The following KIAA1217 variants were observed in gnomAD, a reference collection of about 807,000 sequenced individuals.
KIAA1217 encodes the protein sickle tail protein homolog.
Under a neutral mutation model 163.9 loss-of-function variants are expected in KIAA1217, and 88 were observed. The observed-to-expected ratio is 0.54, with a 90% CI of 0.45 to 0.64. The LOEUF is 0.64. Among genes scored for constraint, KIAA1217 ranks in the 30% least tolerant of loss-of-function variants. KIAA1217 has a pLI of 0.00. For missense variants in KIAA1217, 2,372 were observed against 2,475.0 expected, an observed-to-expected ratio of 0.96 and a Z score of 0.88; for synonymous variants, 903 against 923.1, an observed-to-expected ratio of 0.98 and a Z score of 0.39.
intron 2 of KIAA1217, among the ~76,000 whole-genome samples, chr10:24,155,912 A>T (rs907048148): frequency 1.3e-5 from 2 of 152,196 alleles, no homozygotes; most frequent in African/African-American, 4.8e-5. Context: ...AGTTTTCTCT[A>T]TTCTGATTAG....
chr10:24,413,279 G>C (rs2057958648), intron 3 of KIAA1217, among the ~76,000 whole-genome samples: 1 of 152,122 alleles, frequency 6.6e-6, no homozygotes, highest in Non-Finnish European at 1.5e-5. Flanking sequence ...TCCACCTCCT[G>C]GGTTTAAGTG....
At chr10:24,276,822 C>T (rs1443595341) in intron 2 of KIAA1217, among the ~76,000 whole-genome samples, 1 of 152,012 alleles carries the variant, frequency 6.6e-6, no homozygotes, top group Non-Finnish European at 1.5e-5. Context: ...ATTGGCCAGG[C>T]TGGTCTGGAA....
intron 3 of KIAA1217, among the ~76,000 whole-genome samples, chr10:24,424,829 C>T (rs945848517): frequency 3.5e-4 from 54 of 152,316 alleles, no homozygotes; most frequent in African/African-American, 1.3e-3. Context: ...TCTCGATCTC[C>T]TGACCTTGTG....
Position 23,730,087 on chromosome 10 carries a change from G to A in KIAA1217, c.-321+34853G>A, listed in dbSNP as rs1838391875. 2.0e-5 allele frequency among the ~76,000 whole-genome samples: 3 copies of A among 152,124 alleles called. No homozygotes were observed. In the South Asian group the frequency reaches 6.2e-4, roughly 32 times the overall value. On this transcript the variant is annotated intron_variant, in intron 1 of 18. Coordinates refer to the KIAA1217 transcript ENST00000376462. ...TGGCTAACTTTTTGTATTTTTAGTAGAGACGGGGTTTCACTGTGTTAGCCA... is the reference window on the plus strand; with the variant it reads ...TGGCTAACTTTTTGTATTTTTAGTAAAGACGGGGTTTCACTGTGTTAGCCA...
At chr10:23,943,343 T>C (rs1843864001) in intron 1 of KIAA1217, among the ~76,000 whole-genome samples, 1 of 152,218 alleles carries the variant, frequency 6.6e-6, no homozygotes, top group East Asian at 1.9e-4. Context: ...ATTGTATATT[T>C]ATACAGTAGC....
chr10:24,441,748 A>G (rs1007192860), intron 5 of KIAA1217, among the ~76,000 whole-genome samples: 6 of 152,166 alleles, frequency 3.9e-5, no homozygotes, highest in Non-Finnish European at 8.8e-5. Context: ...TCAGTTCCCA[A>G]GGGACTGAGC....
At chr10:23,897,244 C>T (rs1288638264) in intron 1 of KIAA1217, among the ~76,000 whole-genome samples, 2 of 151,982 alleles carry the variant, frequency 1.3e-5, no homozygotes, top group East Asian at 1.9e-4. Flanking sequence ...ATCTTGGGGT[C>T]CTCATCAACT....
At chr10:24,537,577 CA>C (rs72185665) in intron 17 of KIAA1217, among the ~76,000 whole-genome samples, 32,282 of 118,926 alleles carry the variant, frequency 0.27, 3,508 homozygotes, top group Middle Eastern at 0.46. Flanking sequence ...AACTCTGTCT[CA>C]AAAAAAAAAA....
intron 1 of KIAA1217, among the ~76,000 whole-genome samples, chr10:23,891,390 G>T (rs899939017): frequency 6.6e-6 from 1 of 151,936 alleles, no homozygotes; most frequent in African/African-American, 2.4e-5. Flanking sequence ...TCAACCCTGA[G>T]CAGTGGACTT....
chr10:24,437,700 G>C (rs2060155391), intron 4 of KIAA1217, among the ~76,000 whole-genome samples: 1 of 152,156 alleles, frequency 6.6e-6, no homozygotes, highest in Non-Finnish European at 1.5e-5. Flanking sequence ...GGCTCTAAGA[G>C]CCGGGTTCAG....
At chr10:24,528,313 T>C (rs981203058) in intron 14 of KIAA1217, among the ~76,000 whole-genome samples, 194 bp downstream of exon 14, 1 of 121,832 alleles carries the variant, frequency 8.2e-6, no homozygotes, top group African/African-American at 3.0e-5. Flanking sequence ...CTTTTTGTTT[T>C]TTTTTTTTGT....
intron 2 of KIAA1217, among the ~76,000 whole-genome samples, chr10:24,120,466 G>A (rs2063238362): frequency 6.6e-6 from 1 of 152,200 alleles, no homozygotes; most frequent in Non-Finnish European, 1.5e-5. Flanking sequence ...CTATGCTTAA[G>A]AATTCGTGCT....
intron 1 of KIAA1217, among the ~76,000 whole-genome samples, chr10:23,902,389 T>A (rs1182837069): frequency 6.6e-6 from 1 of 151,992 alleles, no homozygotes; most frequent in Non-Finnish European, 1.5e-5. Flanking sequence ...AAACCTCTAA[T>A]CTCAGGGACA....
At chr10:23,917,505 C>T (rs982247191) in intron 1 of KIAA1217, among the ~76,000 whole-genome samples, 39 of 152,174 alleles carry the variant, frequency 2.6e-4, no homozygotes, top group African/African-American at 7.0e-4. Flanking sequence ...GTGGGAGCAG[C>T]GGCCACAGAG....
chr10:23,739,829 G>T (rs1588696382), intron 1 of KIAA1217, among the ~76,000 whole-genome samples: 1 of 152,298 alleles, frequency 6.6e-6, no homozygotes, highest in East Asian at 1.9e-4. Context: ...CAGCAGGTGG[G>T]AGCAGCAGCG....
chr10:24,458,113 C>T (rs369091661), intron 5 of KIAA1217, among the ~76,000 whole-genome samples: 9 of 152,158 alleles, frequency 5.9e-5, no homozygotes, highest in African/African-American at 1.9e-4. Context: ...CATGGCAGGG[C>T]GTGGGCAGAG....
At chr10:23,790,624 C>CAT (rs202041200) in intron 1 of KIAA1217, among the ~76,000 whole-genome samples, 1 of 131,694 alleles carries the variant, frequency 7.6e-6, no homozygotes, top group Non-Finnish European at 1.5e-5. Flanking sequence ...TGTATATATA[C>CAT]ATATATATGT....
intron 1 of KIAA1217, among the ~76,000 whole-genome samples, chr10:24,211,856 G>A (rs1277225916): frequency 1.3e-5 from 2 of 151,794 alleles, no homozygotes; most frequent in East Asian, 3.9e-4. Flanking sequence ...AGCATTTCCT[G>A]TAGCCTGGGC....
intron 1 of KIAA1217, among the ~76,000 whole-genome samples, chr10:23,818,070 T>TAC (rs376425958): frequency 0.047 from 5,796 of 124,148 alleles, 596 homozygotes; most frequent in African/African-American, 0.17. Context: ...CATATATATA[T>TAC]ACACACACAC....
Sources: gnomAD v4.1 joint callset for allele counts (sites outside exome capture counted in the v4.1 genomes callset) on GRCh38, gnomAD v4.1.1 for gene constraint, MANE v1.5 for transcripts, NCBI Gene and HGNC (gene_info 2026-07-23, HGNC 2026-07-21) for gene names.